Variants in POMZP3 observed in about 807,000 individuals in gnomAD.
The protein encoded by POMZP3 is POM121 and ZP3 fusion, also known as POM121 and ZP3 fusion protein.
POMZP3 carries 10 observed loss-of-function variants against 19.8 expected under a neutral mutation model. The ratio of observed to expected loss-of-function variants is 0.51; its 90% CI spans 0.31 to 0.86. The LOEUF (loss-of-function observed/expected upper bound fraction) is 0.86. Ranked by LOEUF, POMZP3 falls within the 40% of genes least tolerant of loss-of-function variation. The pLI is 0.04. For synonymous variants in POMZP3, 57 were observed against 85.8 expected (o/e 0.66, Z 1.85); for missense variants, 152 against 228.1 (o/e 0.67, Z 2.15).
intron 3 of POMZP3, among the ~76,000 whole-genome samples, chr7:76,625,132 CAAA>C (rs59816962): frequency 3.3e-4 from 18 of 54,368 alleles, no homozygotes; most frequent in African/African-American, 9.8e-4. Context: ...GACTCCAACT[CAAA>C]AAAAAAAAAA....
In POMZP3 at chr7:76,626,421, G is replaced by A. The variant is rs770154627; in HGVS notation, c.-151-206C>T. 8 of 603,198 alleles carry A rather than the reference G, an allele frequency of 1.3e-5. No individual in the cohort carries two copies. The Admixed American group carries it at 2.4e-4, about 18-fold the overall frequency. The allele number at this position is 603,198 out of a possible 1,614,324, so 37.4% of individuals were successfully genotyped here. On this transcript the variant is annotated intron_variant, in intron 1 of 6. Transcript: ENST00000310842. ...GCTGCTTAACAGCTGTCTCAACAAT[G>A]GATTGCAACAATTTGAGAGGGAAAA...
Position 76,611,916 on chromosome 7 carries a change from G to A in POMZP3, c.346-103C>T, listed in dbSNP as rs1184090104. Reference sequence around the variant, plus strand: ...CCTCAACCCTTTAAAGAGTGAGAAGGGGCCGGGTGCGATGGCACACACCTA... The same window carrying A: ...CCTCAACCCTTTAAAGAGTGAGAAGAGGCCGGGTGCGATGGCACACACCTA... On this transcript the variant is annotated intron_variant, in intron 4 of 6. Coordinates refer to ENST00000310842, the MANE Select transcript of POMZP3 (RefSeq NM_012230.5). The A allele has an allele frequency of 4.5e-6, 7 of 1,540,840 alleles. No individual in the cohort carries two copies. In the South Asian group the frequency reaches 4.8e-5, roughly 10 times the overall value.
At chr7:76,623,470 C>T (rs1159959267) in intron 3 of POMZP3, among the ~76,000 whole-genome samples, 15 of 147,486 alleles carry the variant, frequency 1.0e-4, no homozygotes, top group Non-Finnish European at 1.8e-4. Context: ...AATGAATATT[C>T]TGGTGTGTTG....
In POMZP3 at chr7:76,626,219, C is replaced by G. The variant is rs1302522590; in HGVS notation, c.-151-4G>C. ...ATCTGGTAAAGTCCCACGATCCCTG[C>G]AGAGAATGCGAGACAAATCATGGAA... On this transcript the variant is annotated splice_region_variant and splice_polypyrimidine_tract_variant and intron_variant, in intron 1 of 6. Coordinates refer to ENST00000310842, the MANE Select transcript of POMZP3 (RefSeq NM_012230.5). The G allele has an allele frequency of 6.5e-7, 1 of 1,546,528 alleles. No individual in the cohort carries two copies. Among genetic ancestry groups the G allele is most frequent in the African/African-American group, 1.4e-5 (1 of 72,934 alleles).
chr7:76,614,451 T>C (rs1815217060), intron 4 of POMZP3, among the ~76,000 whole-genome samples: 1 of 78,014 alleles, frequency 1.3e-5, no homozygotes, highest in Non-Finnish European at 2.6e-5. Flanking sequence ...CCCAGCTACT[T>C]GGGAGGCTGG....
At chr7:76,624,383 A>G in intron 3 of POMZP3, among the ~76,000 whole-genome samples, 1 of 151,834 alleles carries the variant, frequency 6.6e-6, no homozygotes, top group Non-Finnish European at 1.5e-5. Context: ...ACCCACTTCA[A>G]CTTCTTTTCT....
chr7:76,610,470 C>T (rs1448039127), intron 6 of POMZP3, among the ~76,000 whole-genome samples: 9 of 151,780 alleles, frequency 5.9e-5, no homozygotes, highest in Non-Finnish European at 2.9e-5. Context: ...CTGGCCAACA[C>T]GGCAAGACCC....
At chr7:76,613,581 G>T (rs1815196601) in intron 4 of POMZP3, among the ~76,000 whole-genome samples, 2 of 74,300 alleles carry the variant, frequency 2.7e-5, no homozygotes, top group Admixed American at 2.6e-4. Context: ...CACTACCTCC[G>T]AGGTTTAAGC....
intron 3 of POMZP3, chr7:76,618,720 C>G (rs1815384381): frequency 5.7e-6 from 1 of 174,148 alleles, no homozygotes; most frequent in Non-Finnish European, 1.2e-5. Context: ...AACGGGCTTA[C>G]AGACGAAGAA....
rs539372712 is a variant in POMZP3 at position 76,621,667 on chromosome 7, G to A, written c.228-3367C>T. Among the ~76,000 whole-genome samples, 16 of 151,790 alleles carry A rather than the reference G, an allele frequency of 1.1e-4. No individual in the cohort carries two copies. The East Asian group carries it at 2.2e-3, about 20-fold the overall frequency. Reference sequence around the variant, plus strand: ...AAACAGGTTGCAGTGATGGCCGGGCGCGGTGGCTCACGCCTGTAATCCCAG... The same window carrying A: ...AAACAGGTTGCAGTGATGGCCGGGCACGGTGGCTCACGCCTGTAATCCCAG... On this transcript the variant is annotated intron_variant, in intron 3 of 6. Transcript: ENST00000310842.
chr7:76,611,841 C>T, intron 4 of POMZP3, 28 bp from the exon 5 acceptor site: 3 of 1,524,660 alleles, frequency 2.0e-6, no homozygotes, highest in Non-Finnish European at 2.7e-6. Flanking sequence ...TATTTCCAGG[C>T]CGAGTTCCAG....
In POMZP3 at chr7:76,626,864, C is replaced by A. The variant is rs1250280429; in HGVS notation, c.-308G>T. The A allele has an allele frequency of 3.6e-6, 5 of 1,392,950 alleles. No homozygotes were observed. The highest frequency in any genetic ancestry group is 4.6e-6 in the Non-Finnish European group (5 of 1,082,496). The allele number at this position is 1,392,950 out of a possible 1,614,324, so 86.3% of individuals were successfully genotyped here. ...TTCCGCAGGTCCTGGCCCTCCGGAG[C>A]GGGGGCGGGCTGCGGCGGCCCGGGC... is the stretch of plus-strand genomic sequence containing the variant. On this transcript the variant is annotated 5_prime_UTR_variant, in exon 1 of 7. Transcript: ENST00000310842.
chr7:76,620,861 ATTTTTTT>A (rs56084078), intron 3 of POMZP3, among the ~76,000 whole-genome samples: 10 of 76,200 alleles, frequency 1.3e-4, no homozygotes, highest in Admixed American at 7.1e-4. Context: ...CTGTAAAGCC[ATTTTTTT>A]TTTTTTTTTT....
Position 76,615,987 on chromosome 7 carries a change from AAAG to A in POMZP3, c.345+2193_345+2195del, listed in dbSNP as rs1331234423. On this transcript the variant is annotated intron_variant, in intron 4 of 6. Transcript: ENST00000310842. The stretch of plus-strand genomic sequence containing the variant: ...AGAGACCCTCTCAAAAAAAAAAAAA[AAAG>A]GGGGGGGGGGCAGGTGGCACGTGGT... Among the ~76,000 whole-genome samples, 7 of 58,708 alleles carry A rather than the reference AAAG, an allele frequency of 1.2e-4. 1 individual carries two copies. Among genetic ancestry groups the A allele is most frequent in the African/African-American group, 3.5e-4 (4 of 11,294 alleles). 38.5% of individuals were successfully genotyped at this position (58,708 alleles called of 152,430 possible). A position where few individuals can be genotyped will look rare whatever the true frequency, so the allele number is the denominator to read the frequency against.
rs569253283 is a variant in POMZP3 at position 76,614,800 on chromosome 7, C to T, written c.346-2987G>A. Among the ~76,000 whole-genome samples, 206 of 77,670 alleles carry T rather than the reference C, an allele frequency of 2.7e-3. 34 individuals carry two copies. The highest frequency in any genetic ancestry group is 0.013 in the African/African-American group (200 of 14,996). The allele number at this position is 77,670 out of a possible 152,430, so 51.0% of individuals were successfully genotyped here. A position where few individuals can be genotyped will look rare whatever the true frequency, so the allele number is the denominator to read the frequency against. ...GGCTTGAATAAGGAGGTGGAGGTTG[C>T]AGTGAACCGAGATCATGCCATTGCA... is the stretch of plus-strand genomic sequence containing the variant. On this transcript the variant is annotated intron_variant, in intron 4 of 6. Transcript: ENST00000310842.
At chr7:76,624,832 T>A (rs1407397903) in intron 3 of POMZP3, among the ~76,000 whole-genome samples, 4 of 151,602 alleles carry the variant, frequency 2.6e-5, no homozygotes, top group African/African-American at 9.7e-5. Context: ...TCAGCACAAT[T>A]AAGACACTAG....
At chr7:76,623,455 T>C (rs969898400) in intron 3 of POMZP3, among the ~76,000 whole-genome samples, 2 of 147,634 alleles carry the variant, frequency 1.4e-5, no homozygotes, top group Non-Finnish European at 3.0e-5. Context: ...TTCATTCTCA[T>C]TGTAAATGAA....
chr7:76,625,938 C>T (rs1289141885), intron 2 of POMZP3, 62 bp downstream of exon 2: 2 of 1,602,736 alleles, frequency 1.2e-6, no homozygotes, highest in Admixed American at 3.4e-5. Context: ...GTCATAGGAA[C>T]AACTGGAGAA....
At chr7:76,626,631 A>G (rs866026464) in intron 1 of POMZP3, 77 bp downstream of exon 1, 7 of 1,295,924 alleles carry the variant, frequency 5.4e-6, no homozygotes, top group African/African-American at 1.6e-5. Flanking sequence ...TTGATGAAAA[A>G]GCAAATCGGA....
Sources: gnomAD v4.1 joint callset for allele counts (sites outside exome capture counted in the v4.1 genomes callset) on GRCh38, gnomAD v4.1.1 for gene constraint, MANE v1.5 for transcripts, NCBI Gene and HGNC (gene_info 2026-07-23, HGNC 2026-07-21) for gene names.